The following CSMD3 variants were observed in gnomAD, a reference collection of about 807,000 sequenced individuals.
The protein encoded by CSMD3 is CUB and Sushi multiple domains 3.
A neutral mutation model predicts 435.2 loss-of-function variants in CSMD3; 177 were observed. That is an observed-to-expected ratio of 0.41 (90% confidence interval 0.36 to 0.46). CSMD3 has a LOEUF of 0.46. CSMD3 is among the 20% of genes least tolerant of loss of function. CSMD3 has a pLI of 0.34. For synonymous variants in CSMD3, 1,656 were observed against 1,520.5 expected (o/e 1.09, Z -2.07); for missense variants, 4,265 against 4,504.6 (o/e 0.95, Z 1.52).
chr8:113,187,474 A>T (rs1242541358), intron 3 of CSMD3, among the ~76,000 whole-genome samples: 1 of 152,018 alleles, frequency 6.6e-6, no homozygotes, highest in Non-Finnish European at 1.5e-5. Context: ...TATTCACTTA[A>T]AGCTGGAAAA....
chr8:113,059,995 ATT>A (rs11440141), intron 5 of CSMD3, among the ~76,000 whole-genome samples: 15 of 145,536 alleles, frequency 1.0e-4, no homozygotes, highest in African/African-American at 3.7e-4. Context: ...TTATTTATTT[ATT>A]TTTTTTTTAT....
At chr8:112,311,896 A>C (rs990821097) in intron 49 of CSMD3, among the ~76,000 whole-genome samples, 1 of 152,176 alleles carries the variant, frequency 6.6e-6, no homozygotes, top group Admixed American at 6.6e-5. Flanking sequence ...AGTAAGAAAC[A>C]AATTGGACTT....
intron 5 of CSMD3, among the ~76,000 whole-genome samples, chr8:113,063,817 A>G (rs771935076): frequency 1.8e-4 from 28 of 151,916 alleles, no homozygotes; most frequent in Non-Finnish European, 3.8e-4. Context: ...ATGTAATATC[A>G]GAATTATGAT....
chr8:112,403,996 G>A (rs776761524), intron 35 of CSMD3, among the ~76,000 whole-genome samples: 13 of 151,940 alleles, frequency 8.6e-5, no homozygotes, highest in Middle Eastern at 3.4e-3. Context: ...CTATTGTCAC[G>A]GAAAAAATAA....
chr8:113,275,210 G>T (rs955221967), intron 3 of CSMD3, among the ~76,000 whole-genome samples: 1 of 152,028 alleles, frequency 6.6e-6, no homozygotes, highest in Non-Finnish European at 1.5e-5. Context: ...CAATTTTACA[G>T]ATGAAGACAA....
At chr8:113,174,426 A>G (rs1245732078) in intron 3 of CSMD3, among the ~76,000 whole-genome samples, 2 of 152,086 alleles carry the variant, frequency 1.3e-5, no homozygotes, top group South Asian at 2.1e-4. Context: ...AGGGACGGTG[A>G]GCTAGAATTC....
At chr8:113,091,214 G>T (rs559214404) in intron 5 of CSMD3, among the ~76,000 whole-genome samples, 1 of 152,238 alleles carries the variant, frequency 6.6e-6, no homozygotes, top group African/African-American at 2.4e-5. Flanking sequence ...TAGTGTCAAA[G>T]TTGTAGGGGC....
chr8:112,509,375 C>T (rs917021227), intron 28 of CSMD3, among the ~76,000 whole-genome samples: 2 of 152,136 alleles, frequency 1.3e-5, no homozygotes, highest in Admixed American at 1.3e-4. Flanking sequence ...CAGGTGTGAG[C>T]CACCATGCTT....
intron 28 of CSMD3, among the ~76,000 whole-genome samples, chr8:112,509,972 G>C (rs543095554): frequency 2.0e-5 from 3 of 152,098 alleles, no homozygotes; most frequent in South Asian, 2.1e-4. Context: ...AATTAAATTG[G>C]CTTCTTTTCC....
intron 2 of CSMD3, chr8:113,314,367 A>G (rs2093893692): frequency 1.8e-6 from 1 of 561,486 alleles, no homozygotes; most frequent in African/African-American, 1.9e-5. Flanking sequence ...TTTGTGAGAC[A>G]TAGTATTAAT....
At chr8:113,322,771 G>C (rs921675025) in intron 1 of CSMD3, among the ~76,000 whole-genome samples, 3 of 151,940 alleles carry the variant, frequency 2.0e-5, no homozygotes, top group African/African-American at 7.3e-5. Context: ...TTTTGAGATA[G>C]AGTCTCGCTT....
At chr8:112,279,907 G>A (rs1818462533) in intron 59 of CSMD3, among the ~76,000 whole-genome samples, 1 of 152,068 alleles carries the variant, frequency 6.6e-6, no homozygotes, top group Non-Finnish European at 1.5e-5. Flanking sequence ...AAATATACGT[G>A]GGTATCTCAA....
At chr8:112,432,693 A>G (rs1813846035) in intron 32 of CSMD3, among the ~76,000 whole-genome samples, 1 of 152,114 alleles carries the variant, frequency 6.6e-6, no homozygotes, top group African/African-American at 2.4e-5. Flanking sequence ...ACAGAACAGA[A>G]CATAGGACAT....
At chr8:113,410,535 T>C (rs923383107) in intron 1 of CSMD3, among the ~76,000 whole-genome samples, 4 of 152,124 alleles carry the variant, frequency 2.6e-5, no homozygotes, top group East Asian at 1.9e-4. Context: ...CTTCCATCAA[T>C]TGTTCTTTCT....
chr8:112,517,524 G>A (rs1265547489), intron 27 of CSMD3, among the ~76,000 whole-genome samples: 9 of 151,980 alleles, frequency 5.9e-5, no homozygotes, highest in African/African-American at 7.2e-5. Flanking sequence ...GAACATATCC[G>A]CAGAGGACTT....
At chr8:113,425,042 T>C (rs1039958135) in intron 1 of CSMD3, among the ~76,000 whole-genome samples, 4 of 151,546 alleles carry the variant, frequency 2.6e-5, no homozygotes, top group Admixed American at 2.6e-4. Context: ...TTCATCCCTA[T>C]ATTCTCAAAG....
rs537741235 is a variant in CSMD3 at position 113,312,036 on chromosome 8, C to T, written c.401+2535G>A. ...ATACCTTTTATTATTATTTCTCTTA[C>T]TAAATTTGATCCAATACTGCTAAGA... On this transcript the variant is annotated intron_variant, in intron 2 of 70. Transcript: ENST00000297405. 1.2e-4 allele frequency: 18 copies of T among 152,032 alleles called. No individual in the cohort carries two copies. In the East Asian group the frequency reaches 2.7e-3, roughly 23 times the overall value. 9.4% of individuals were successfully genotyped at this position (152,032 alleles called of 1,614,324 possible). A position where few individuals can be genotyped will look rare whatever the true frequency, so the allele number is the denominator to read the frequency against.
At chr8:112,889,949 C>T (rs545767936) in intron 10 of CSMD3, among the ~76,000 whole-genome samples, 30 of 151,664 alleles carry the variant, frequency 2.0e-4, no homozygotes, top group African/African-American at 6.0e-4. Context: ...GACAAACAGC[C>T]AGATCATCAC....
At chr8:112,837,491 C>G (rs1564010663) in intron 11 of CSMD3, among the ~76,000 whole-genome samples, 1 of 151,660 alleles carries the variant, frequency 6.6e-6, no homozygotes, top group Non-Finnish European at 1.5e-5. Context: ...AATTCTCTAA[C>G]TTATATGAAA....
Sources: allele counts gnomAD v4.1 joint callset (sites outside exome capture counted in the v4.1 genomes callset), GRCh38; gene constraint gnomAD v4.1.1; transcripts MANE v1.5; gene names NCBI Gene and HGNC (gene_info 2026-07-23, HGNC 2026-07-21).